The following PALLD variants were observed in gnomAD, a reference collection of about 807,000 sequenced individuals.
The protein encoded by PALLD is palladin.
Under a neutral mutation model 123.5 loss-of-function variants are expected in PALLD, and 61 were observed. The ratio of observed to expected loss-of-function variants is 0.49; its 90% CI spans 0.40 to 0.61. PALLD has a LOEUF of 0.61. PALLD is among the 20% of genes least tolerant of loss of function. The pLI, the probability that PALLD is intolerant of heterozygous loss-of-function variation, is 0.00. For missense variants in PALLD, 1,273 were observed against 1,377.0 expected (o/e 0.92, Z 1.20); for synonymous variants, 465 against 496.4 (o/e 0.94, Z 0.84).
chr4:168,623,072 C>T (rs1289725965), intron 2 of PALLD, among the ~76,000 whole-genome samples: 1 of 152,126 alleles, frequency 6.6e-6, no homozygotes, highest in Admixed American at 6.5e-5. Flanking sequence ...TACATCAAGG[C>T]CTTTCTATTG....
At chr4:168,651,179 A>G (rs572630565) in intron 2 of PALLD, among the ~76,000 whole-genome samples, 1 of 152,234 alleles carries the variant, frequency 6.6e-6, no homozygotes, top group Non-Finnish European at 1.5e-5. Flanking sequence ...ATTATTGCGC[A>G]GGGATCAATA....
At chr4:168,528,408 T>C (rs2149475046) in intron 2 of PALLD, among the ~76,000 whole-genome samples, 1 of 152,358 alleles carries the variant, frequency 6.6e-6, no homozygotes, top group African/African-American at 2.4e-5. Flanking sequence ...CAAAAAGACA[T>C]TTGATGTTGT....
intron 10 of PALLD, among the ~76,000 whole-genome samples, chr4:168,743,437 T>G (rs1788561250): frequency 6.6e-6 from 1 of 152,130 alleles, no homozygotes; most frequent in Admixed American, 6.6e-5. Context: ...ATGGGGACAC[T>G]ACAGATTTGG....
At chr4:168,566,376 C>T (rs986241929) in intron 2 of PALLD, among the ~76,000 whole-genome samples, 1 of 152,148 alleles carries the variant, frequency 6.6e-6, no homozygotes, top group Non-Finnish European at 1.5e-5. Flanking sequence ...CAGCTCACTA[C>T]AACCTTGATC....
chr4:168,623,203 TCA>T (rs1295785708), intron 2 of PALLD, among the ~76,000 whole-genome samples: 1 of 152,158 alleles, frequency 6.6e-6, no homozygotes, highest in Non-Finnish European at 1.5e-5. Context: ...TCTGCCAAAC[TCA>T]CAGTACTACC....
At chr4:168,672,662 G>A (rs1780407977) in intron 3 of PALLD, among the ~76,000 whole-genome samples, 1 of 152,072 alleles carries the variant, frequency 6.6e-6, no homozygotes, top group African/African-American at 2.4e-5. Flanking sequence ...GTTTCGCCGT[G>A]TTAGCCAGGA....
In PALLD at chr4:168,928,353, A is replaced by G. The variant is rs1318804573; in HGVS notation, c.*2173A>G. 3.3e-5 allele frequency: 6 copies of G among 181,962 alleles called. No individual in the cohort carries two copies. Among genetic ancestry groups the G allele is most frequent in the African/African-American group, 9.5e-5 (4 of 42,112 alleles). The allele number at this position is 181,962 out of a possible 1,614,324, so 11.3% of individuals were successfully genotyped here. The stretch of plus-strand genomic sequence containing the variant: ...AAAAAAAAAGTACTATCAATCAATC[A>G]TACTACTTTGGATTGTTGTGCTGGT... On this transcript the variant is annotated 3_prime_UTR_variant, in exon 22 of 22. Transcript: ENST00000505667.
At chr4:168,600,109 A>C (rs1772475276) in intron 2 of PALLD, among the ~76,000 whole-genome samples, 1 of 151,778 alleles carries the variant, frequency 6.6e-6, no homozygotes, top group Non-Finnish European at 1.5e-5. Context: ...ATGCACACAT[A>C]TATATACATA....
At chr4:168,759,230 T>A (rs866138549) in intron 10 of PALLD, among the ~76,000 whole-genome samples, 10,531 of 75,868 alleles carry the variant, frequency 0.14, 2,434 homozygotes, top group Non-Finnish European at 0.21. Context: ...TATATATATA[T>A]ATATATATAT....
intron 10 of PALLD, among the ~76,000 whole-genome samples, chr4:168,719,620 C>T (rs972029285): frequency 6.6e-6 from 1 of 152,046 alleles, no homozygotes; most frequent in African/African-American, 2.4e-5. Context: ...TACATGTGTA[C>T]GTTAGTTATA....
At chr4:168,784,367 A>G (rs1736383535) in intron 10 of PALLD, among the ~76,000 whole-genome samples, 1 of 152,104 alleles carries the variant, frequency 6.6e-6, no homozygotes. Flanking sequence ...AAAGAAAAGA[A>G]AAGAGAAAGG....
chr4:168,671,611 C>T (rs914077485), intron 3 of PALLD, among the ~76,000 whole-genome samples: 4 of 152,174 alleles, frequency 2.6e-5, no homozygotes, highest in Admixed American at 6.5e-5. Flanking sequence ...GCTCCTTGGC[C>T]TTGTGAAATA....
intron 10 of PALLD, among the ~76,000 whole-genome samples, chr4:168,838,196 G>A (rs1282958153): frequency 1.3e-5 from 2 of 152,176 alleles, no homozygotes; most frequent in African/African-American, 4.8e-5. Flanking sequence ...GAAGGGCTTG[G>A]CCTTTTCTAT....
At chr4:168,677,247 G>A (rs945324154) in intron 3 of PALLD, among the ~76,000 whole-genome samples, 8 of 151,976 alleles carry the variant, frequency 5.3e-5, no homozygotes, top group African/African-American at 1.2e-4. Flanking sequence ...GGGAGAGGGC[G>A]GGAGAATCGC....
At chr4:168,601,597 C>T (rs926794304) in intron 2 of PALLD, among the ~76,000 whole-genome samples, 6 of 151,962 alleles carry the variant, frequency 3.9e-5, no homozygotes, top group Admixed American at 3.3e-4. Flanking sequence ...TCCAACCCTC[C>T]GCTTCCTGAT....
intron 2 of PALLD, chr4:168,598,526 G>A: frequency 2.4e-6 from 1 of 413,072 alleles, no homozygotes; most frequent in South Asian, 2.1e-5. Flanking sequence ...TTGCAAAGAT[G>A]TTAACAGAGA....
intron 6 of PALLD, among the ~76,000 whole-genome samples, chr4:168,686,448 C>T (rs1782058461): frequency 6.6e-6 from 1 of 152,150 alleles, no homozygotes; most frequent in Non-Finnish European, 1.5e-5. Flanking sequence ...CATTGTTCAA[C>T]TCCCACTTAT....
chr4:168,861,546 A>G (rs1749471592), intron 10 of PALLD, among the ~76,000 whole-genome samples: 1 of 151,928 alleles, frequency 6.6e-6, no homozygotes, highest in Non-Finnish European at 1.5e-5. Context: ...CTTATGGATC[A>G]CCCTTTTGTT....
chr4:168,578,800 G>A (rs1331540734), intron 2 of PALLD, among the ~76,000 whole-genome samples: 2 of 150,630 alleles, frequency 1.3e-5, no homozygotes, highest in Non-Finnish European at 3.0e-5. Context: ...TAGATAGATA[G>A]TCCCAGTGCT....
Sources: allele counts gnomAD v4.1 joint callset (sites outside exome capture counted in the v4.1 genomes callset), GRCh38; gene constraint gnomAD v4.1.1; transcripts MANE v1.5; gene names NCBI Gene and HGNC (gene_info 2026-07-23, HGNC 2026-07-21).